The following GRIN2A variants were observed in gnomAD, a reference collection of about 807,000 sequenced individuals.
The protein encoded by GRIN2A is glutamate ionotropic receptor NMDA type subunit 2A.
A neutral mutation model predicts 113.4 loss-of-function variants in GRIN2A; 22 were observed. The ratio of observed to expected loss-of-function variants is 0.19; its 90% CI spans 0.14 to 0.28. The LOEUF (loss-of-function observed/expected upper bound fraction) is 0.28, where lower values mean the gene tolerates loss of function less well. Ranked by LOEUF, GRIN2A falls within the 10% of genes least tolerant of loss-of-function variation. GRIN2A has a pLI of 1.00. For missense variants in GRIN2A, 1,502 were observed against 1,887.0 expected, an observed-to-expected ratio of 0.80 and a Z score of 3.78; for synonymous variants, 827 against 738.4, an observed-to-expected ratio of 1.12 and a Z score of -1.94.
intron 2 of GRIN2A, among the ~76,000 whole-genome samples, chr16:10,055,259 A>G (rs753775600): frequency 1.2e-4 from 18 of 151,912 alleles, no homozygotes; most frequent in Non-Finnish European, 2.6e-4. Context: ...GGAAGGAGAT[A>G]AGGGAATGAA....
chr16:9,970,365 T>C (rs2045646624), intron 2 of GRIN2A, among the ~76,000 whole-genome samples: 1 of 152,216 alleles, frequency 6.6e-6, no homozygotes, highest in South Asian at 2.1e-4. Flanking sequence ...AGTGTTTTGG[T>C]GCATTGCCCA....
At chr16:10,159,904 G>A (rs904339229) in intron 2 of GRIN2A, among the ~76,000 whole-genome samples, 1 of 152,146 alleles carries the variant, frequency 6.6e-6, no homozygotes, top group Non-Finnish European at 1.5e-5. Flanking sequence ...AGAGCATTTA[G>A]CCCAACTTTC....
At chr16:10,115,582 C>T (rs368245624) in intron 2 of GRIN2A, among the ~76,000 whole-genome samples, 32 of 152,328 alleles carry the variant, frequency 2.1e-4, no homozygotes, top group East Asian at 1.5e-3. Context: ...CTTATCAGAG[C>T]CCAGCAGTTG....
In GRIN2A at chr16:10,055,290, C is replaced by G. The variant is rs533891043; in HGVS notation, c.415-116739G>C. Among the ~76,000 whole-genome samples the G allele has an allele frequency of 3.3e-5, 5 of 151,910 alleles. No individual in the cohort carries two copies. The South Asian group carries it at 1.0e-3, about 32-fold the overall frequency. ...ATGAAATGAGGGTGGCAGGCTTCAG[C>G]AGCATCTTTATATTTTTAAAATCTG... is the stretch of plus-strand genomic sequence containing the variant. On this transcript the variant is annotated intron_variant, in intron 2 of 12. Coordinates refer to ENST00000330684, the MANE Select transcript of GRIN2A (RefSeq NM_001134407.3).
chr16:9,937,143 C>T (rs750739371), intron 3 of GRIN2A, among the ~76,000 whole-genome samples: 1 of 151,882 alleles, frequency 6.6e-6, no homozygotes, highest in Non-Finnish European at 1.5e-5. Flanking sequence ...CCCCATTTAC[C>T]CTGATGTGAT....
intron 2 of GRIN2A, among the ~76,000 whole-genome samples, chr16:10,174,838 T>TG (rs746823523): frequency 5.0e-4 from 63 of 127,154 alleles, no homozygotes; most frequent in Non-Finnish European, 8.8e-4. Flanking sequence ...AACAGAGAAC[T>TG]GGAAAAAAAA....
intron 2 of GRIN2A, among the ~76,000 whole-genome samples, chr16:10,110,809 T>C (rs1276836719): frequency 3.9e-5 from 6 of 152,192 alleles, no homozygotes; most frequent in Non-Finnish European, 8.8e-5. Flanking sequence ...ATGTTGAAGG[T>C]GGCAGAACCA....
chr16:9,782,491 G>A (rs913613396), intron 11 of GRIN2A, among the ~76,000 whole-genome samples: 3 of 152,122 alleles, frequency 2.0e-5, no homozygotes, highest in East Asian at 1.9e-4. Flanking sequence ...GAGGGATTTG[G>A]GGCCACTGTT....
Position 10,144,318 on chromosome 16 carries a change from A to T in GRIN2A, c.414+35680T>A, listed in dbSNP as rs188813885. 2.0e-5 allele frequency among the ~76,000 whole-genome samples: 3 copies of T among 152,336 alleles called. No homozygotes were observed. The East Asian group carries it at 5.8e-4, about 29-fold the overall frequency. On this transcript the variant is annotated intron_variant, in intron 2 of 12. Transcript: ENST00000330684. Reference sequence around the variant, plus strand: ...CCCCACATCCTTGCCAACACTTGTTATCTTTGGTCATTTTTATAATAGCCA... The same window carrying T: ...CCCCACATCCTTGCCAACACTTGTTTTCTTTGGTCATTTTTATAATAGCCA...
At chr16:10,170,063 G>A (rs933180742) in intron 2 of GRIN2A, among the ~76,000 whole-genome samples, 10 of 152,204 alleles carry the variant, frequency 6.6e-5, no homozygotes, top group Non-Finnish European at 1.3e-4. Flanking sequence ...CCCTAGATAT[G>A]GGATAACAGA....
At chr16:10,003,800 G>A (rs1489419753) in intron 2 of GRIN2A, among the ~76,000 whole-genome samples, 1 of 152,210 alleles carries the variant, frequency 6.6e-6, no homozygotes, top group Non-Finnish European at 1.5e-5. Context: ...CAAAGACACT[G>A]AGCTATGAGT....
chr16:10,008,290 A>C (rs2046440541), intron 2 of GRIN2A, among the ~76,000 whole-genome samples: 1 of 152,158 alleles, frequency 6.6e-6, no homozygotes. Context: ...GGCTTCCAAC[A>C]GCAAAACTAA....
intron 10 of GRIN2A, among the ~76,000 whole-genome samples, chr16:9,821,072 C>A (rs2042274629): frequency 6.6e-6 from 1 of 152,088 alleles, no homozygotes; most frequent in African/African-American, 2.4e-5. Flanking sequence ...GGGCCTCTGT[C>A]TCCCCCTACC....
At chr16:9,985,042 G>GCA (rs796541373) in intron 2 of GRIN2A, among the ~76,000 whole-genome samples, 35 of 151,382 alleles carry the variant, frequency 2.3e-4, no homozygotes, top group African/African-American at 3.9e-4. Flanking sequence ...ATGCATGCGT[G>GCA]CACACACACA....
chr16:9,963,763 A>G (rs1237317764), intron 2 of GRIN2A, among the ~76,000 whole-genome samples: 3 of 152,204 alleles, frequency 2.0e-5, no homozygotes, highest in Admixed American at 1.3e-4. Flanking sequence ...TCAATAATTC[A>G]TCCATTCAAC....
chr16:10,005,406 C>A (rs2046388786), intron 2 of GRIN2A, among the ~76,000 whole-genome samples: 1 of 152,084 alleles, frequency 6.6e-6, no homozygotes, highest in African/African-American at 2.4e-5. Context: ...TTATTACTCA[C>A]ATTAACTGCT....
At chr16:9,996,822 G>A (rs191349667) in intron 2 of GRIN2A, among the ~76,000 whole-genome samples, 1 of 152,018 alleles carries the variant, frequency 6.6e-6, no homozygotes, top group Non-Finnish European at 1.5e-5. Flanking sequence ...TTCAAACCAG[G>A]ACTCACAGTT....
At chr16:10,055,786 A>G (rs1394198914) in intron 2 of GRIN2A, among the ~76,000 whole-genome samples, 3 of 152,264 alleles carry the variant, frequency 2.0e-5, no homozygotes, top group Non-Finnish European at 4.4e-5. Flanking sequence ...TCCAATCTGA[A>G]ACAATAAAAG....
chr16:9,835,329 T>A (rs1402937535), intron 7 of GRIN2A, among the ~76,000 whole-genome samples: 1 of 152,204 alleles, frequency 6.6e-6, no homozygotes, highest in Non-Finnish European at 1.5e-5. Context: ...CTCATTTGCA[T>A]GTAACTTAGG....
Sources: gnomAD v4.1 joint callset for allele counts (sites outside exome capture counted in the v4.1 genomes callset) on GRCh38, gnomAD v4.1.1 for gene constraint, MANE v1.5 for transcripts, NCBI Gene and HGNC (gene_info 2026-07-23, HGNC 2026-07-21) for gene names.